The following QSOX1 variants were observed in gnomAD, a reference collection of about 807,000 sequenced individuals.
QSOX1 encodes sulfhydryl oxidase 1.
A neutral mutation model predicts 76.1 loss-of-function variants in QSOX1; 40 were observed. The observed-to-expected ratio is 0.53, with a 90% CI of 0.41 to 0.68. The LOEUF (loss-of-function observed/expected upper bound fraction) is 0.68, where lower values mean the gene tolerates loss of function less well. Ranked by LOEUF, QSOX1 falls within the 30% of genes least tolerant of loss-of-function variation. The pLI is 0.00. For synonymous variants in QSOX1, 392 were observed against 413.1 expected, an observed-to-expected ratio of 0.95 and a Z score of 0.62; for missense variants, 931 against 974.3, an observed-to-expected ratio of 0.96 and a Z score of 0.59.
At chr1:180,181,733 A>G (rs1366323837) in intron 5 of QSOX1, among the ~76,000 whole-genome samples, 1 of 152,192 alleles carries the variant, frequency 6.6e-6, no homozygotes, top group African/African-American at 2.4e-5. Flanking sequence ...GAAAAATGTT[A>G]TGAGAAGGCC....
chr1:180,199,270 A>G lies in QSOX1; in HGVS notation c.*2233A>G, dbSNP rs1425669746. The G allele has an allele frequency of 7.2e-5, 11 of 152,328 alleles. No individual in the cohort carries two copies. The East Asian group carries it at 2.1e-3, about 30-fold the overall frequency. 9.4% of individuals were successfully genotyped at this position (152,328 alleles called of 1,614,324 possible). A position where few individuals can be genotyped will look rare whatever the true frequency, so the allele number is the denominator to read the frequency against. ...CCACCAGCTGGGCCCTCCCCCACCCAGTCTGCCAGGCTGGGAGCTGGAGCT... is the reference window on the plus strand; with the variant it reads ...CCACCAGCTGGGCCCTCCCCCACCCGGTCTGCCAGGCTGGGAGCTGGAGCT... On this transcript the variant is annotated 3_prime_UTR_variant, in exon 12 of 12. Coordinates refer to ENST00000367602, the MANE Select transcript of QSOX1 (RefSeq NM_002826.5).
At chr1:180,165,666 C>T (rs1379410055) in intron 1 of QSOX1, among the ~76,000 whole-genome samples, 1 of 152,256 alleles carries the variant, frequency 6.6e-6, no homozygotes, top group East Asian at 1.9e-4. Context: ...GTGTGTCTTC[C>T]TCTGTGCGCA....
chr1:180,186,105 A>G lies in QSOX1; in HGVS notation c.940A>G (p.Ile314Val). ...ATCTGCACTGCACTACATCCTGCGG[A>G]TAGAAGTGGGCAGGTTCCCGGTCCT... ...LESALHYILR[I>V]EVGRFPVLEG... The change falls in exon 8 of 12, where the codon ATA becomes GTA. Residue 314 changes from isoleucine to valine, a missense_variant. Physicochemically the swap from Ile to Val is conservative, Grantham distance 29 (BLOSUM62 3). Coordinates refer to ENST00000367602, the MANE Select transcript of QSOX1 (RefSeq NM_002826.5). 6.2e-7 allele frequency: 1 copy of G among 1,614,178 alleles called. No homozygotes were observed. Among genetic ancestry groups the G allele is most frequent in the Admixed American group, 1.7e-5 (1 of 60,028 alleles).
Position 180,175,994 on chromosome 1 carries a change from A to T in QSOX1, c.476A>T (p.Asp159Val), listed in dbSNP as rs1267435949. 3 of 1,602,022 alleles carry T rather than the reference A, an allele frequency of 1.9e-6. No homozygotes were observed. Among genetic ancestry groups the T allele is most frequent in the Non-Finnish European group, 2.6e-6 (3 of 1,175,174 alleles). Residue 159 changes from aspartate (D) to valine (V), a missense_variant, in exon 4 of 12, where the codon GAC (aspartate) becomes GTC (valine). Asp to Val is a radical substitution (Grantham distance 152). Transcript: ENST00000367602. ...RLIDALESHH[D>V]TWPPACPPLE... ...ATTGACGCCCTGGAGTCCCATCATG[A>T]CACGTGGCCCCCAGCCTGTCCCCCA... is the stretch of plus-strand genomic sequence containing the variant.
chr1:180,185,503 C>A (rs373409229), intron 7 of QSOX1, among the ~76,000 whole-genome samples: 1 of 152,202 alleles, frequency 6.6e-6, no homozygotes, highest in Non-Finnish European at 1.5e-5. Context: ...ATGTGAGGTC[C>A]GGCAGCTGTG....
intron 1 of QSOX1, 33 bp downstream of exon 1, chr1:180,155,205 C>A: frequency 6.9e-7 from 1 of 1,449,384 alleles, no homozygotes. Flanking sequence ...TCCCCCGTGC[C>A]CCGCCGCCCG....
chr1:180,171,960 A>G (rs1168994456), intron 2 of QSOX1, among the ~76,000 whole-genome samples: 3 of 152,188 alleles, frequency 2.0e-5, no homozygotes, highest in Admixed American at 2.0e-4. Context: ...GGGCGGGGAG[A>G]GATCACTGGA....
Position 180,155,095 on chromosome 1 carries a change from T to C in QSOX1, c.188T>C (p.Val63Ala), listed in dbSNP as rs1245273944. 1.6e-5 allele frequency: 25 copies of C among 1,523,662 alleles called. No homozygotes were observed. The highest frequency in any genetic ancestry group is 2.1e-5 in the Non-Finnish European group (24 of 1,141,040). 94.4% of individuals were successfully genotyped at this position (1,523,662 alleles called of 1,614,324 possible). ...CTGGGCTCCCGCAGCGCCTGGGCCG[T>C]GGAGTTCTTCGCCTCCTGGTGCGGC... ...AVLGSRSAWA[V>A]EFFASWCGHC... Residue 63 changes from valine to alanine, a missense_variant, in exon 1 of 12, where the codon GTG becomes GCG. By Grantham distance (64) the Val-to-Ala change is moderately conservative (BLOSUM62 0). Coordinates refer to ENST00000367602, the MANE Select transcript of QSOX1 (RefSeq NM_002826.5).
intron 1 of QSOX1, among the ~76,000 whole-genome samples, chr1:180,163,059 C>A (rs1290421379): frequency 1.3e-5 from 2 of 150,938 alleles, no homozygotes; most frequent in Non-Finnish European, 3.0e-5. Context: ...ATCAATACTT[C>A]AAGAAAACCT....
At position 180,178,865 on chromosome 1, in the gene QSOX1, G is replaced by C. The variant is rs1325499361; in HGVS notation, c.587G>C (p.Gly196Ala). The change falls in exon 5 of 12, where the codon GGC becomes GCC. Residue 196 changes from glycine to alanine, a missense_variant. Gly to Ala is a moderately conservative substitution (Grantham distance 60). Transcript: ENST00000367602. The stretch of plus-strand genomic sequence containing the variant: ...CTGGCTCTGATCTTTGAAAAGGGAG[G>C]CTCCTACCTGGGTAGAGAGGTGAGC... ...EYLALIFEKG[G>A]SYLGREVALD... is the part of the protein sequence containing the mutation. 9.3e-6 allele frequency: 15 copies of C among 1,613,882 alleles called. No individual in the cohort carries two copies. The highest frequency in any genetic ancestry group is 1.3e-5 in the African/African-American group (1 of 75,058).
At chr1:180,185,791 T>C (rs990068815) in intron 7 of QSOX1, among the ~76,000 whole-genome samples, 1 of 152,236 alleles carries the variant, frequency 6.6e-6, no homozygotes, top group Non-Finnish European at 1.5e-5. Flanking sequence ...ACATTTGTGC[T>C]TTTATTTGAT....
At chr1:180,160,747 G>A (rs1454732485) in intron 1 of QSOX1, among the ~76,000 whole-genome samples, 3 of 152,222 alleles carry the variant, frequency 2.0e-5, no homozygotes, top group Non-Finnish European at 4.4e-5. Flanking sequence ...CAGTTTGATT[G>A]TCTCTGGTTA....
In QSOX1 at chr1:180,201,435, C is replaced by A. The variant is rs1212673422; in HGVS notation, c.*4398C>A. ...GCTCCAGGGTGGGCCCAGTATCCTT[C>A]CACAGCATCCCTCCTCTTCCCCTTC... On this transcript the variant is annotated 3_prime_UTR_variant, in exon 12 of 12. Transcript: ENST00000367602. 6.6e-6 allele frequency: 1 copy of A among 152,380 alleles called. No individual in the cohort carries two copies. Among genetic ancestry groups the A allele is most frequent in the Non-Finnish European group, 1.5e-5 (1 of 68,204 alleles). 9.4% of individuals were successfully genotyped at this position (152,380 alleles called of 1,614,324 possible). A position where few individuals can be genotyped will look rare whatever the true frequency, so the allele number is the denominator to read the frequency against.
At chr1:180,178,989 G>GCTAAAAGACCCAGGCA in intron 5 of QSOX1, 105 bp downstream of exon 5, 3 of 1,032,930 alleles carry the variant, frequency 2.9e-6, no homozygotes, top group African/African-American at 1.6e-5. Context: ...TGGCTGCCTG[G>GCTAAAAGACCCAGGCA]GTCTTTTAGC....
chr1:180,164,221 C>T (rs946357564), intron 1 of QSOX1, among the ~76,000 whole-genome samples: 2 of 152,200 alleles, frequency 1.3e-5, no homozygotes, highest in Admixed American at 1.3e-4. Flanking sequence ...TGCACCCCAG[C>T]TTGCAGATAC....
At chr1:180,165,609 G>A (rs916021831) in intron 1 of QSOX1, among the ~76,000 whole-genome samples, 1 of 152,256 alleles carries the variant, frequency 6.6e-6, no homozygotes, top group African/African-American at 2.4e-5. Context: ...AAACTTGAGA[G>A]TTCTGTGCCA....
In QSOX1 at chr1:180,196,984, T is replaced by C; in HGVS notation, c.2191T>C (p.Phe731Leu). Residue 731 changes from phenylalanine (F) to leucine (L), a missense_variant, in exon 12 of 12, where the codon TTC becomes CTC. Physicochemically the swap from Phe to Leu is conservative, Grantham distance 22 (BLOSUM62 0). Transcript: ENST00000367602. The surrounding 1 kb of genome is among the most constrained non-coding windows in gnomAD (Gnocchi z 4.1). ...FMGLLAMYTY[F>L]QAKIRALKGH... Reference sequence around the variant, plus strand: ...GGGCCTGCTGGCCATGTACACCTACTTCCAGGCCAAGATAAGGGCCCTGAA... The same window carrying C: ...GGGCCTGCTGGCCATGTACACCTACCTCCAGGCCAAGATAAGGGCCCTGAA... The C allele has an allele frequency of 6.2e-7, 1 of 1,612,584 alleles. No homozygotes were observed. The highest frequency in any genetic ancestry group is 8.5e-7 in the Non-Finnish European group (1 of 1,179,046).
chr1:180,159,995 T>G (rs1298887635), intron 1 of QSOX1, among the ~76,000 whole-genome samples: 1 of 152,238 alleles, frequency 6.6e-6, no homozygotes, highest in African/African-American at 2.4e-5. Flanking sequence ...GTCCTCATTA[T>G]CATGCGTTTC....
intron 1 of QSOX1, among the ~76,000 whole-genome samples, 176 bp downstream of exon 1, chr1:180,155,348 T>G (rs1339517997): frequency 6.6e-6 from 1 of 152,030 alleles, no homozygotes; most frequent in African/African-American, 2.4e-5. Context: ...CATTTTTGCC[T>G]CCCGCTCCCT....
Sources: allele counts gnomAD v4.1 joint callset (sites outside exome capture counted in the v4.1 genomes callset), GRCh38; gene constraint gnomAD v4.1.1; non-coding constraint Gnocchi (gnomAD v3.1); transcripts MANE v1.5; gene names NCBI Gene and HGNC (gene_info 2026-07-23, HGNC 2026-07-21).